Variants in TANC2 observed in about 807,000 individuals in gnomAD.
The protein encoded by TANC2 is tetratricopeptide repeat, ankyrin repeat and coiled-coil containing 2.
In TANC2, 26 loss-of-function variants were observed where a neutral mutation model predicts 210.5. The ratio of observed to expected loss-of-function variants is 0.12; its 90% CI spans 0.09 to 0.17. The LOEUF is 0.17. Among genes scored for constraint, TANC2 ranks in the 10% least tolerant of loss-of-function variants. TANC2 has a pLI of 1.00. For synonymous variants in TANC2, 931 were observed against 967.1 expected, an observed-to-expected ratio of 0.96 and a Z score of 0.69; for missense variants, 2,129 against 2,608.9, an observed-to-expected ratio of 0.82 and a Z score of 4.01.
chr17:63,217,474 C>G (rs1035435746), intron 7 of TANC2, among the ~76,000 whole-genome samples: 9 of 152,050 alleles, frequency 5.9e-5, no homozygotes, highest in Admixed American at 5.9e-4. Context: ...CTTAAATGAA[C>G]AATTTTAATG....
chr17:63,039,770 A>G (rs1281726714), intron 2 of TANC2, among the ~76,000 whole-genome samples: 2 of 152,162 alleles, frequency 1.3e-5, no homozygotes, highest in African/African-American at 4.8e-5. Context: ...TCTGGCCAGT[A>G]AGGATGAAAC....
intron 4 of TANC2, among the ~76,000 whole-genome samples, chr17:63,110,929 T>G (rs2038015623): frequency 6.6e-6 from 1 of 152,224 alleles, no homozygotes; most frequent in Non-Finnish European, 1.5e-5. Flanking sequence ...CTGTATGACC[T>G]TGGCCGTGTC....
At chr17:63,028,682 C>T (rs897748558) in intron 2 of TANC2, among the ~76,000 whole-genome samples, 4 of 152,056 alleles carry the variant, frequency 2.6e-5, no homozygotes, top group Non-Finnish European at 5.9e-5. Flanking sequence ...TCAGAGTGCC[C>T]TTCTTGGATC....
chr17:63,028,821 T>C (rs2034656690), intron 2 of TANC2, among the ~76,000 whole-genome samples: 2 of 152,102 alleles, frequency 1.3e-5, no homozygotes, highest in Admixed American at 6.6e-5. Context: ...AAATGTCTTT[T>C]ATAAAACTAC....
chr17:63,001,233 G>A (rs911485015), intron 1 of TANC2, among the ~76,000 whole-genome samples: 24 of 152,110 alleles, frequency 1.6e-4, no homozygotes, highest in African/African-American at 5.1e-4. Flanking sequence ...AATATTCTTG[G>A]TTTTCCCTCA....
Position 63,411,694 on chromosome 17 carries a change from C to T in TANC2, c.3765+8C>T. The T allele has an allele frequency of 1.2e-6, 2 of 1,606,436 alleles. No homozygotes were observed. The highest frequency in any genetic ancestry group is 1.1e-5 in the South Asian group (1 of 89,638). On this transcript the variant is annotated splice_region_variant and intron_variant, in intron 22 of 27. Coordinates refer to ENST00000689528, the Ensembl canonical transcript of TANC2. ...TATGGCGATGCTGAGGTGGTAAGTA[C>T]CTTTAAACAAGCCTCAAGAGAGCAG...
intron 3 of TANC2, among the ~76,000 whole-genome samples, chr17:63,098,582 A>C (rs2037503169): frequency 6.7e-6 from 1 of 149,034 alleles, no homozygotes; most frequent in Non-Finnish European, 1.5e-5. Context: ...TTATGGTTCT[A>C]ATTTTCCTTG....
chr17:63,271,551 T>G (rs1490846940), intron 9 of TANC2, among the ~76,000 whole-genome samples: 1 of 151,808 alleles, frequency 6.6e-6, no homozygotes, highest in African/African-American at 2.4e-5. Context: ...CTACCCGTCA[T>G]CTAGGTTTTA....
At chr17:63,167,466 T>G (rs939234268) in intron 5 of TANC2, among the ~76,000 whole-genome samples, 1 of 152,166 alleles carries the variant, frequency 6.6e-6, no homozygotes, top group Non-Finnish European at 1.5e-5. Context: ...TCTAACTTAG[T>G]TTATTTCATT....
At chr17:63,266,224 A>C (rs2043520586) in intron 8 of TANC2, among the ~76,000 whole-genome samples, 1 of 152,160 alleles carries the variant, frequency 6.6e-6, no homozygotes, top group South Asian at 2.1e-4. Context: ...TAAAATTTTA[A>C]TAAATTTTTA....
At chr17:63,276,285 A>T (rs1369616783) in intron 9 of TANC2, among the ~76,000 whole-genome samples, 1 of 152,136 alleles carries the variant, frequency 6.6e-6, no homozygotes, top group African/African-American at 2.4e-5. Flanking sequence ...TTATATTCCC[A>T]AAAATAAATG....
intron 7 of TANC2, among the ~76,000 whole-genome samples, chr17:63,202,856 TG>T (rs1425013046): frequency 6.6e-6 from 1 of 152,162 alleles, no homozygotes; most frequent in Non-Finnish European, 1.5e-5. Flanking sequence ...TATTATATGT[TG>T]TTTTTTGTGT....
intron 8 of TANC2, among the ~76,000 whole-genome samples, chr17:63,253,256 T>C (rs966934518): frequency 1.3e-5 from 2 of 152,194 alleles, no homozygotes; most frequent in African/African-American, 4.8e-5. Context: ...TTGTGAGAAA[T>C]GTCTATTTTT....
intron 2 of TANC2, among the ~76,000 whole-genome samples, chr17:63,071,291 A>T (rs899699482): frequency 1.3e-5 from 2 of 148,770 alleles, no homozygotes; most frequent in African/African-American, 4.9e-5. Context: ...AGAGTGTAGA[A>T]TTTTTTTTTT....
chr17:63,228,755 G>C (rs1348660084), intron 7 of TANC2, among the ~76,000 whole-genome samples: 1 of 152,126 alleles, frequency 6.6e-6, no homozygotes, highest in African/African-American at 2.4e-5. Flanking sequence ...GTGTAGGACT[G>C]CTTGTGATTT....
intron 9 of TANC2, among the ~76,000 whole-genome samples, chr17:63,270,441 T>C (rs1225204129): frequency 6.6e-6 from 1 of 152,190 alleles, no homozygotes; most frequent in East Asian, 1.9e-4. Flanking sequence ...TTTAAAAACA[T>C]GTCACATCAT....
chr17:63,121,699 T>C (rs1465705005), intron 4 of TANC2, among the ~76,000 whole-genome samples: 3 of 152,212 alleles, frequency 2.0e-5, no homozygotes, highest in Non-Finnish European at 2.9e-5. Context: ...CTACATTTTC[T>C]CCTATAAATT....
At chr17:63,389,970 A>C (rs2047913033) in intron 17 of TANC2, 1 of 223,884 alleles carries the variant, frequency 4.5e-6, no homozygotes, top group Non-Finnish European at 9.0e-6. Context: ...AGATGAGAAC[A>C]GGACCAGACA....
intron 1 of TANC2, among the ~76,000 whole-genome samples, chr17:62,986,288 C>T (rs780355300): frequency 5.9e-5 from 9 of 152,034 alleles, no homozygotes; most frequent in Non-Finnish European, 1.0e-4. Context: ...GTTTGGAAGC[C>T]GGGGACATTA....
Sources: gnomAD v4.1 joint callset for allele counts (sites outside exome capture counted in the v4.1 genomes callset) on GRCh38, gnomAD v4.1.1 for gene constraint, MANE v1.5 for transcripts, NCBI Gene and HGNC (gene_info 2026-07-23, HGNC 2026-07-21) for gene names.